CLEC17A: variants seen among roughly 807,000 people sequenced by gnomAD.
CLEC17A encodes C-type lectin domain family 17, member A.
CLEC17A carries 37 observed loss-of-function variants against 61.3 expected under a neutral mutation model. The observed-to-expected ratio is 0.60, with a 90% CI of 0.46 to 0.79. The LOEUF (loss-of-function observed/expected upper bound fraction) is 0.79. Ranked by LOEUF, CLEC17A falls within the 30% of genes least tolerant of loss-of-function variation. CLEC17A has a pLI of 0.00. For missense variants in CLEC17A, 418 were observed against 464.7 expected (o/e 0.90, Z 0.92); for synonymous variants, 168 against 164.9 (o/e 1.02, Z -0.14).
intron 2 of CLEC17A, among the ~76,000 whole-genome samples, chr19:14,586,938 G>C (rs1242296169): frequency 6.7e-6 from 1 of 149,540 alleles, no homozygotes; most frequent in Non-Finnish European, 1.5e-5. Context: ...ACTCAGGCTG[G>C]AGTGCAGTGG....
rs1413102598 is a variant in CLEC17A, at chr19:14,610,850, T to TGA, written c.*656_*657dup. On this transcript the variant is annotated 3_prime_UTR_variant, in exon 14 of 14. Coordinates refer to ENST00000417570, the MANE Select transcript of CLEC17A (RefSeq NM_001204118.2). ...ATTATTATTATTATTTTTATAGAGA[T>TGA]GAGGTCTCACTCTGTTGCCGAGGCT... is the stretch of plus-strand genomic sequence containing the variant. 6.6e-6 allele frequency: 1 copy of TGA among 152,240 alleles called. No individual in the cohort carries two copies. The highest frequency in any genetic ancestry group is 2.4e-5 in the African/African-American group (1 of 41,524). 9.4% of individuals were successfully genotyped at this position (152,240 alleles called of 1,614,324 possible).
chr19:14,600,432 C>T (rs569298645), intron 12 of CLEC17A, among the ~76,000 whole-genome samples: 4 of 152,238 alleles, frequency 2.6e-5, no homozygotes, highest in African/African-American at 9.6e-5. Context: ...TTATCTCTAA[C>T]ATGAAAATAC....
intron 2 of CLEC17A, chr19:14,584,485 G>A (rs955744008): frequency 6.6e-6 from 1 of 152,118 alleles, no homozygotes; most frequent in African/African-American, 2.4e-5. Flanking sequence ...AGATCCCGGA[G>A]GCCCAAAACA....
intron 12 of CLEC17A, among the ~76,000 whole-genome samples, chr19:14,602,090 C>T (rs1031327735): frequency 3.3e-5 from 5 of 152,124 alleles, no homozygotes; most frequent in South Asian, 2.1e-4. Context: ...CCGCGCCTGG[C>T]CCAGCAAATT....
In CLEC17A at chr19:14,600,017, T is replaced by G; in HGVS notation, c.743-14T>G. 6.2e-7 allele frequency: 1 copy of G among 1,613,222 alleles called. No individual in the cohort carries two copies. Among genetic ancestry groups the G allele is most frequent in the Non-Finnish European group, 8.5e-7 (1 of 1,179,514 alleles). On this transcript the variant is annotated splice_polypyrimidine_tract_variant and intron_variant, in intron 11 of 13. Transcript: ENST00000417570. ...TTCTGGGGCCATCCTGACAGCATTC[T>G]GTCTGGTTCCCAGACTGCCGCCGAA...
intron 12 of CLEC17A, among the ~76,000 whole-genome samples, chr19:14,602,199 T>C (rs1568459789): frequency 1.3e-5 from 2 of 151,814 alleles, no homozygotes; most frequent in African/African-American, 4.9e-5. Context: ...ATATTTAAAA[T>C]GTTTTTTTTT....
chr19:14,595,926 T>TG, intron 8 of CLEC17A, among the ~76,000 whole-genome samples: 1 of 151,474 alleles, frequency 6.6e-6, no homozygotes, highest in East Asian at 1.9e-4. Flanking sequence ...GTGGTGATGG[T>TG]GTTGGTGATG....
At chr19:14,582,253 C>T (rs1158826766), upstream of CLEC17A, among the ~76,000 whole-genome samples, 1 of 150,352 alleles carries the variant, frequency 6.7e-6, no homozygotes, top group Non-Finnish European at 1.5e-5. Context: ...CGCTCTGTCA[C>T]CCAGGCTGGA....
At chr19:14,608,988 C>T (rs939151506) in intron 13 of CLEC17A, among the ~76,000 whole-genome samples, 19 of 151,866 alleles carry the variant, frequency 1.3e-4, no homozygotes, top group Non-Finnish European at 1.9e-4. Context: ...TTAGTAGAGA[C>T]GGGGTTTCAA....
chr19:14,592,352 A>G lies in CLEC17A; in HGVS notation c.271A>G (p.Lys91Glu). 6.2e-7 allele frequency: 1 copy of G among 1,609,032 alleles called. No individual in the cohort carries two copies. The highest frequency in any genetic ancestry group is 8.5e-7 in the Non-Finnish European group (1 of 1,177,592). Residue 91 changes from lysine to glutamate, a missense_variant, in exon 4 of 14, where the codon AAG (lysine) becomes GAG (glutamate). By Grantham distance (56) the Lys-to-Glu change is moderately conservative. Coordinates refer to ENST00000417570, the MANE Select transcript of CLEC17A (RefSeq NM_001204118.2). The stretch of plus-strand genomic sequence containing the variant: ...ACCTCCCTACAAGGACCTTCCTCCC[A>G]AGCCAGGTAAGAGGACTTTTTGGAG... Reference protein sequence around the residue: ...STPPYKDLPPKPGSSAPPRPP... With the variant: ...STPPYKDLPPEPGSSAPPRPP...
chr19:14,593,465 G>T (rs1040254902), intron 4 of CLEC17A, among the ~76,000 whole-genome samples: 1 of 151,912 alleles, frequency 6.6e-6, no homozygotes, highest in Non-Finnish European at 1.5e-5. Context: ...GGGTAACACA[G>T]TGAAACCCCC....
At chr19:14,593,572 G>A (rs969544752) in intron 4 of CLEC17A, among the ~76,000 whole-genome samples, 5 of 152,048 alleles carry the variant, frequency 3.3e-5, no homozygotes, top group East Asian at 1.9e-4. Context: ...CGAGGTGGTA[G>A]GATTGCTAGA....
At chr19:14,590,861 A>AC in intron 3 of CLEC17A, among the ~76,000 whole-genome samples, 1 of 136,250 alleles carries the variant, frequency 7.3e-6, no homozygotes, top group Non-Finnish European at 1.5e-5. Flanking sequence ...GGTTTTTTCT[A>AC]ATTTTTTTTT....
chr19:14,601,645 G>A (rs897063664), intron 12 of CLEC17A, among the ~76,000 whole-genome samples: 2 of 152,030 alleles, frequency 1.3e-5, no homozygotes, highest in African/African-American at 4.8e-5. Flanking sequence ...CAGGGACAAG[G>A]TCTCACTCTG....
intron 12 of CLEC17A, among the ~76,000 whole-genome samples, chr19:14,600,685 C>G (rs1009443620): frequency 1.4e-5 from 2 of 146,444 alleles, no homozygotes; most frequent in African/African-American, 5.1e-5. Flanking sequence ...GGGTTCACGC[C>G]ATTCTCCTGC....
chr19:14,603,182 A>G (rs1357304988), intron 12 of CLEC17A, among the ~76,000 whole-genome samples: 3 of 152,160 alleles, frequency 2.0e-5, no homozygotes, highest in African/African-American at 7.2e-5. Context: ...ATTCTGCTAG[A>G]ATGGTGTACA....
chr19:14,600,304 CT>C, intron 12 of CLEC17A, 122 bp downstream of exon 12: 1 of 1,183,994 alleles, frequency 8.4e-7, no homozygotes, highest in Non-Finnish European at 1.2e-6. Flanking sequence ...GTTACTAAAA[CT>C]TTAACAGCAA....
intron 4 of CLEC17A, among the ~76,000 whole-genome samples, chr19:14,592,908 C>T (rs1313015844): frequency 2.6e-5 from 4 of 151,998 alleles, no homozygotes; most frequent in Non-Finnish European, 4.4e-5. Flanking sequence ...TCAAGTGATC[C>T]GCCTGCCTTG....
chr19:14,603,010 C>T (rs1488623531), intron 12 of CLEC17A, among the ~76,000 whole-genome samples: 2 of 152,220 alleles, frequency 1.3e-5, no homozygotes, highest in African/African-American at 4.8e-5. Flanking sequence ...ACTGGGATTA[C>T]AGGCATAAGC....
Sources: gnomAD v4.1 joint callset for allele counts (sites outside exome capture counted in the v4.1 genomes callset) on GRCh38, gnomAD v4.1.1 for gene constraint, MANE v1.5 for transcripts, NCBI Gene and HGNC (gene_info 2026-07-23, HGNC 2026-07-21) for gene names.